Variants in CACNA2D1 observed in about 807,000 individuals in gnomAD.
CACNA2D1 encodes calcium voltage-gated channel auxiliary subunit alpha2delta 1.
CACNA2D1 carries 53 observed loss-of-function variants against 171.5 expected under a neutral mutation model. That is an observed-to-expected ratio of 0.31 (90% confidence interval 0.25 to 0.39). CACNA2D1 has a LOEUF of 0.39. Among genes scored for constraint, CACNA2D1 ranks in the 10% least tolerant of loss-of-function variants. CACNA2D1 has a pLI of 1.00. For synonymous variants in CACNA2D1, 442 were observed against 443.1 expected (o/e 1.00, Z 0.03); for missense variants, 903 against 1,299.8 (o/e 0.69, Z 4.69).
chr7:82,374,709 A>G (rs191951707), intron 1 of CACNA2D1, among the ~76,000 whole-genome samples: 1 of 152,158 alleles, frequency 6.6e-6, no homozygotes, highest in Admixed American at 6.6e-5. Context: ...GTAGTTGCTT[A>G]AATTTTGTTG....
chr7:82,310,519 T>C (rs1814316462), intron 3 of CACNA2D1, among the ~76,000 whole-genome samples: 1 of 152,046 alleles, frequency 6.6e-6, no homozygotes, highest in Non-Finnish European at 1.5e-5. Flanking sequence ...GGTTGTTAAA[T>C]TGAGCCTTCA....
intron 1 of CACNA2D1, among the ~76,000 whole-genome samples, chr7:82,371,069 G>A (rs1040633439): frequency 1.3e-5 from 2 of 152,168 alleles, no homozygotes; most frequent in African/African-American, 2.4e-5. Flanking sequence ...AACGGGTAGT[G>A]TAAGCAGGAG....
intron 1 of CACNA2D1, among the ~76,000 whole-genome samples, chr7:82,398,098 T>C (rs952673693): frequency 1.3e-5 from 2 of 152,140 alleles, no homozygotes; most frequent in Non-Finnish European, 2.9e-5. Flanking sequence ...ATGAAGTCAC[T>C]CCTTAAACAT....
intron 2 of CACNA2D1, chr7:82,342,930 C>T (rs368064762): frequency 6.6e-6 from 1 of 152,100 alleles, no homozygotes; most frequent in African/African-American, 2.4e-5. Context: ...AGTAAACTAC[C>T]TAGCTCAGAA....
At chr7:82,146,311 C>CGTGTGTGTGT (rs113820868) in intron 4 of CACNA2D1, among the ~76,000 whole-genome samples, 1 of 134,640 alleles carries the variant, frequency 7.4e-6, no homozygotes. Flanking sequence ...TATATATATA[C>CGTGTGTGTGT]GTGTGTGTGT....
chr7:82,278,307 A>T (rs1215384535), intron 3 of CACNA2D1, among the ~76,000 whole-genome samples: 1 of 152,118 alleles, frequency 6.6e-6, no homozygotes, highest in Non-Finnish European at 1.5e-5. Context: ...GGCTGGGCGC[A>T]GTGGCTCATG....
chr7:81,972,231 TAC>T (rs1349317202), intron 25 of CACNA2D1, among the ~76,000 whole-genome samples: 2 of 151,328 alleles, frequency 1.3e-5, no homozygotes, highest in Non-Finnish European at 3.0e-5. Flanking sequence ...ATTTAATGTA[TAC>T]ACACATAAAA....
At chr7:82,182,377 G>C (rs1036266940) in intron 3 of CACNA2D1, among the ~76,000 whole-genome samples, 1 of 152,046 alleles carries the variant, frequency 6.6e-6, no homozygotes, top group Admixed American at 6.6e-5. Context: ...TGCATATAAG[G>C]TTCTGTCTTT....
chr7:82,389,612 T>C (rs1824860877), intron 1 of CACNA2D1, among the ~76,000 whole-genome samples: 1 of 152,148 alleles, frequency 6.6e-6, no homozygotes, highest in South Asian at 2.1e-4. Context: ...CTGGCCCACT[T>C]AGCTGATGTA....
rs766856402 is a variant in CACNA2D1 at position 81,950,389 on chromosome 7, A to C, written c.*3T>G. ...TAACTATGCAGATTTGGTTTTTAGA[A>C]GGTCATAACAGGCGGTGTGTGCTGC... is the stretch of plus-strand genomic sequence containing the variant. On this transcript the variant is annotated 3_prime_UTR_variant, in exon 39 of 39. Transcript: ENST00000356860. 1 of 1,613,244 alleles carries C rather than the reference A, an allele frequency of 6.2e-7. No homozygotes were observed. The highest frequency in any genetic ancestry group is 1.1e-5 in the South Asian group (1 of 91,064).
chr7:82,099,419 CTTCTTTTTTTTTTTTTTTT>C (rs1332941063), intron 6 of CACNA2D1, among the ~76,000 whole-genome samples: 846 of 50,548 alleles, frequency 0.017, 97 homozygotes, highest in Non-Finnish European at 0.03. Flanking sequence ...GTAGCAATAC[CTTCTTTTTTTTTTTTTTTT>C]TTTTTTTTTT....
intron 38 of CACNA2D1, among the ~76,000 whole-genome samples, chr7:81,951,392 T>C (rs1792502655): frequency 6.6e-6 from 1 of 151,518 alleles, no homozygotes; most frequent in Admixed American, 6.6e-5. Flanking sequence ...ACAGGTGGTT[T>C]TGGTTACATG....
At chr7:82,033,387 T>C (rs1450434740) in intron 11 of CACNA2D1, among the ~76,000 whole-genome samples, 11 of 152,066 alleles carry the variant, frequency 7.2e-5, no homozygotes, top group Non-Finnish European at 2.9e-5. Flanking sequence ...CAGTAGTTTA[T>C]TAAAAAAATG....
At chr7:82,186,428 T>C (rs1278982016) in intron 3 of CACNA2D1, among the ~76,000 whole-genome samples, 1 of 152,062 alleles carries the variant, frequency 6.6e-6, no homozygotes, top group African/African-American at 2.4e-5. Context: ...ACCAAAATCT[T>C]TGTAAAGGAC....
At chr7:82,436,141 A>C (rs1257379530) in intron 1 of CACNA2D1, among the ~76,000 whole-genome samples, 2 of 152,216 alleles carry the variant, frequency 1.3e-5, no homozygotes, top group Admixed American at 6.5e-5. Flanking sequence ...ACTGAATAAT[A>C]ATCATCATCA....
At chr7:82,215,113 A>T (rs1447711885) in intron 3 of CACNA2D1, among the ~76,000 whole-genome samples, 1 of 152,096 alleles carries the variant, frequency 6.6e-6, no homozygotes, top group East Asian at 1.9e-4. Flanking sequence ...TCAGGAAAGG[A>T]ACTTCAGGCC....
At chr7:82,188,146 C>T (rs1285250130) in intron 3 of CACNA2D1, among the ~76,000 whole-genome samples, 11 of 152,112 alleles carry the variant, frequency 7.2e-5, no homozygotes, top group Non-Finnish European at 1.0e-4. Context: ...CTTCCAAATT[C>T]CCCACTTTCT....
chr7:82,128,173 G>A (rs1790558286), intron 5 of CACNA2D1, among the ~76,000 whole-genome samples: 1 of 150,720 alleles, frequency 6.6e-6, no homozygotes. Flanking sequence ...CAAGTGTTCT[G>A]CCTGCCTCAG....
chr7:82,351,347 G>A (rs1819825420), intron 1 of CACNA2D1, among the ~76,000 whole-genome samples: 1 of 151,600 alleles, frequency 6.6e-6, no homozygotes, highest in Non-Finnish European at 1.5e-5. Flanking sequence ...ACATGGAAGA[G>A]ATTTAAATGA....
Sources: gnomAD v4.1 joint callset for allele counts (sites outside exome capture counted in the v4.1 genomes callset) on GRCh38, gnomAD v4.1.1 for gene constraint, MANE v1.5 for transcripts, NCBI Gene and HGNC (gene_info 2026-07-23, HGNC 2026-07-21) for gene names.